SCUBE2: variants seen among roughly 807,000 people sequenced by gnomAD.
SCUBE2 encodes the protein signal peptide, CUB and EGF-like domain-containing protein 2.
Under a neutral mutation model 125.9 loss-of-function variants are expected in SCUBE2, and 114 were observed. The observed-to-expected ratio is 0.91, with a 90% CI of 0.78 to 1.06. The LOEUF (loss-of-function observed/expected upper bound fraction) is 1.06, where lower values mean the gene tolerates loss of function less well. SCUBE2 is among the 50% of genes least tolerant of loss of function. The probability of loss-of-function intolerance (pLI) is 0.00; values close to 1 mark genes in which losing one functional copy is unlikely to be tolerated. For synonymous variants in SCUBE2, 459 were observed against 492.9 expected (o/e 0.93, Z 0.91); for missense variants, 1,255 against 1,301.8 (o/e 0.96, Z 0.55).
Position 9,055,868 on chromosome 11 carries a change from A to T in SCUBE2, c.1132T>A (p.Cys378Ser). The change falls in exon 10 of 23, where the codon TGC becomes AGC. Residue 378 changes from cysteine (C) to serine (S), a missense_variant. Cys to Ser is a moderately radical substitution (Grantham distance 112). Coordinates refer to ENST00000649792, the MANE Select transcript of SCUBE2 (RefSeq NM_001367977.2). ...CSLDRTCDHS[C>S]INHPGTFACA... ...GCAAATGTGCCAGGGTGGTTGATGC[A>T]GCTGTGGTCACAGGTCCTATCCAAA... 1 of 1,614,214 alleles carries T rather than the reference A, an allele frequency of 6.2e-7. No individual in the cohort carries two copies. The highest frequency in any genetic ancestry group is 1.1e-5 in the South Asian group (1 of 91,082).
chr11:9,065,646 G>A (rs1274924437), intron 7 of SCUBE2, among the ~76,000 whole-genome samples: 2 of 152,200 alleles, frequency 1.3e-5, no homozygotes. Flanking sequence ...CTTACAGCTA[G>A]GTGGGGGCTG....
intron 21 of SCUBE2, among the ~76,000 whole-genome samples, chr11:9,022,267 C>T (rs536802130): frequency 6.6e-6 from 1 of 152,280 alleles, no homozygotes; most frequent in East Asian, 1.9e-4. Flanking sequence ...AAGCATTGTT[C>T]TAGTAATTCT....
At chr11:9,077,818 T>C (rs1282795339) in intron 3 of SCUBE2, among the ~76,000 whole-genome samples, 2 of 152,244 alleles carry the variant, frequency 1.3e-5, no homozygotes, top group Non-Finnish European at 2.9e-5. Flanking sequence ...GAAATGGAGA[T>C]ACTCTGTGCT....
chr11:9,036,681 A>C (rs1319228654), intron 16 of SCUBE2, among the ~76,000 whole-genome samples: 1 of 152,212 alleles, frequency 6.6e-6, no homozygotes, highest in Non-Finnish European at 1.5e-5. Flanking sequence ...CCTCTGGCAG[A>C]AAACAGATGT....
chr11:9,089,494 G>A (rs1862423557), intron 2 of SCUBE2, among the ~76,000 whole-genome samples: 1 of 152,184 alleles, frequency 6.6e-6, no homozygotes, highest in Non-Finnish European at 1.5e-5. Flanking sequence ...GGACATTTCA[G>A]AGCCAGATAA....
Position 9,055,887 on chromosome 11 carries a change from A to G in SCUBE2, c.1113T>C (p.Asp371=), listed in dbSNP as rs746795891. ...SCQDVDECSL[D]RTCDHSCINH... is the part of the protein sequence containing the mutation. ...TGATGCAGCTGTGGTCACAGGTCCT[A>G]TCCAAAGAGCACTCATCCACATCTG... The change falls in exon 10 of 23, where the codon GAT becomes GAC. Residue 371 remains aspartate, a synonymous_variant. Transcript: ENST00000649792. 6.2e-7 allele frequency: 1 copy of G among 1,614,212 alleles called. No individual in the cohort carries two copies. The highest frequency in any genetic ancestry group is 1.1e-5 in the South Asian group (1 of 91,082).
chr11:9,071,164 T>G (rs74419194), intron 4 of SCUBE2, among the ~76,000 whole-genome samples: 2,293 of 152,058 alleles, frequency 0.015, 28 homozygotes, highest in Non-Finnish European at 0.025. Context: ...TGCTCGGGGG[T>G]AAATATAATA....
At chr11:9,023,220 G>A (rs932287) in intron 21 of SCUBE2, among the ~76,000 whole-genome samples, 95,170 of 151,964 alleles carry the variant, frequency 0.63, 30,069 homozygotes, top group East Asian at 0.8. Context: ...AACACATTAT[G>A]AGAACATCAT....
intron 3 of SCUBE2, among the ~76,000 whole-genome samples, chr11:9,074,822 T>G (rs988075516): frequency 1.3e-5 from 2 of 152,240 alleles, no homozygotes; most frequent in Non-Finnish European, 2.9e-5. Context: ...GACCGCCACA[T>G]GGACACAAGG....
rs538773783 is a variant in SCUBE2 at position 9,083,699 on chromosome 11, CG to C, written c.257-4191del. Among the ~76,000 whole-genome samples, 13 of 151,976 alleles carry C rather than the reference CG, an allele frequency of 8.6e-5. No individual in the cohort carries two copies. In the East Asian group the frequency reaches 2.3e-3, roughly 27 times the overall value. ...CCTCCCGAGTAGCTGGGATTACAGGCGTGCTGTAATTTTTGTACTTTTAGTA... is the reference window on the plus strand; with the variant it reads ...CCTCCCGAGTAGCTGGGATTACAGGCTGCTGTAATTTTTGTACTTTTAGTA... On this transcript the variant is annotated intron_variant, in intron 2 of 22. Transcript: ENST00000649792.
At chr11:9,021,733 G>A (rs1324390102) in intron 22 of SCUBE2, 143 bp downstream of exon 22, 2 of 532,996 alleles carry the variant, frequency 3.8e-6, no homozygotes, top group Non-Finnish European at 6.8e-6. Context: ...AATTAAGTCT[G>A]GTGAAGGTAT....
At chr11:9,065,835 T>G (rs994315499) in intron 7 of SCUBE2, 56 bp downstream of exon 7, 1 of 1,465,966 alleles carries the variant, frequency 6.8e-7, no homozygotes, top group Admixed American at 1.7e-5. Flanking sequence ...ATGCAATAAG[T>G]TGGGGAGGGA....
At chr11:9,088,210 G>A (rs1001014628) in intron 2 of SCUBE2, among the ~76,000 whole-genome samples, 1 of 152,258 alleles carries the variant, frequency 6.6e-6, no homozygotes, top group South Asian at 2.1e-4. Flanking sequence ...TCCTCTGGGT[G>A]GGCATAGTGG....
At chr11:9,027,837 G>A (rs1247262901) in intron 19 of SCUBE2, among the ~76,000 whole-genome samples, 1 of 152,070 alleles carries the variant, frequency 6.6e-6, no homozygotes, top group Non-Finnish European at 1.5e-5. Flanking sequence ...TGAACAAAAG[G>A]ATAAATTTAG....
At chr11:9,027,276 G>T in intron 20 of SCUBE2, 88 bp downstream of exon 20, 1 of 1,293,576 alleles carries the variant, frequency 7.7e-7, no homozygotes, top group Non-Finnish European at 1.1e-6. Flanking sequence ...TGACGTTCTA[G>T]GCCTGCCTCC....
chr11:9,043,436 G>A (rs1333431249), intron 16 of SCUBE2, among the ~76,000 whole-genome samples: 2 of 151,580 alleles, frequency 1.3e-5, no homozygotes, highest in African/African-American at 2.4e-5. Context: ...CAGAGCTTAA[G>A]AAATTTGTTC....
intron 2 of SCUBE2, among the ~76,000 whole-genome samples, chr11:9,085,973 T>C (rs1163730237): frequency 6.6e-6 from 1 of 151,914 alleles, no homozygotes; most frequent in Non-Finnish European, 1.5e-5. Flanking sequence ...GCTAGTACTA[T>C]AGGCACGCAC....
chr11:9,072,466 C>G (rs1860886380), intron 4 of SCUBE2, among the ~76,000 whole-genome samples: 1 of 152,180 alleles, frequency 6.6e-6, no homozygotes, highest in Non-Finnish European at 1.5e-5. Context: ...CCTCGGCCTC[C>G]CAAAGTGCTG....
At chr11:9,076,657 T>G (rs1428429699) in intron 3 of SCUBE2, among the ~76,000 whole-genome samples, 1 of 152,176 alleles carries the variant, frequency 6.6e-6, no homozygotes, top group Non-Finnish European at 1.5e-5. Context: ...TCTCATGTGC[T>G]AATCACTAGC....
Sources: allele counts gnomAD v4.1 joint callset (sites outside exome capture counted in the v4.1 genomes callset), GRCh38; gene constraint gnomAD v4.1.1; transcripts MANE v1.5; gene names NCBI Gene and HGNC (gene_info 2026-07-23, HGNC 2026-07-21).